The following PYHIN1 variants were observed in gnomAD, a reference collection of about 807,000 sequenced individuals.
PYHIN1 encodes pyrin and HIN domain-containing protein 1.
In PYHIN1, 32 loss-of-function variants were observed where a neutral mutation model predicts 43.7. The ratio of observed to expected loss-of-function variants is 0.73; its 90% CI spans 0.55 to 0.98. The LOEUF is 0.98. Ranked by LOEUF, PYHIN1 falls within the 50% of genes least tolerant of loss-of-function variation. The pLI is 0.00. For missense variants in PYHIN1, 588 were observed against 589.5 expected (o/e 1.00, Z 0.03); for synonymous variants, 205 against 203.1 (o/e 1.01, Z -0.08).
At chr1:158,975,664 G>A (rs527664956) in intron 8 of PYHIN1, among the ~76,000 whole-genome samples, 1 of 152,198 alleles carries the variant, frequency 6.6e-6, no homozygotes, top group African/African-American at 2.4e-5. Context: ...GAAAGACCAT[G>A]TTCCAGGGAA....
At chr1:158,988,723 C>G in the PYHIN1 span, among the ~76,000 whole-genome samples, 2 of 152,100 alleles carry the variant, frequency 1.3e-5, no homozygotes, top group African/African-American at 2.4e-5. Flanking sequence ...ACCCTAATTT[C>G]TTCTTACTGT....
chr1:158,987,393 A>AT, the PYHIN1 span, among the ~76,000 whole-genome samples: 3 of 152,060 alleles, frequency 2.0e-5, no homozygotes, highest in Non-Finnish European at 4.4e-5. Flanking sequence ...GTCTTTGCCT[A>AT]TTTTTTATTT....
chr1:158,950,319 A>G (rs552488716), intron 7 of PYHIN1, among the ~76,000 whole-genome samples: 1 of 152,370 alleles, frequency 6.6e-6, no homozygotes, highest in East Asian at 1.9e-4. Context: ...GGATTCATTC[A>G]GCCTCCTGAG....
rs1557826743 is a variant in PYHIN1 at position 158,942,196 on chromosome 1, A to G, written c.799A>G (p.Arg267Gly). ...CTTGAAGAGGAAATTCATTAAAAAG[A>G]GAATCATCATTATATCAAATTATTC... ...INLKRKFIKK[R>G]IIIISNYSKR... Residue 267 changes from arginine (R) to glycine (G), a missense_variant, in exon 5 of 9, where the codon AGA becomes GGA. Physicochemically the swap from Arg to Gly is moderately radical, Grantham distance 125 (BLOSUM62 -2). Transcript: ENST00000368140. The G allele has an allele frequency of 1.9e-6, 3 of 1,614,012 alleles. No individual in the cohort carries two copies. The highest frequency in any genetic ancestry group is 2.2e-5 in the South Asian group (2 of 91,070).
At position 158,938,410 on chromosome 1, in the gene PYHIN1, T is replaced by C. The variant is rs151006388; in HGVS notation, c.279T>C (p.Ile93=). 388 of 1,614,192 alleles carry C rather than the reference T, an allele frequency of 2.4e-4. No individual in the cohort carries two copies. The African/African-American group carries it at 4.7e-3, about 20-fold the overall frequency. The change falls in exon 3 of 9, where the codon ATT becomes ATC. Residue 93 remains isoleucine (I), a synonymous_variant. Coordinates refer to ENST00000368140, the MANE Select transcript of PYHIN1 (RefSeq NM_152501.5). ...KREKLKVANK[I]ESIPVKGIIP... is the part of the protein sequence containing the mutation. The stretch of plus-strand genomic sequence containing the variant: ...TTTCTGCATTAGTTGCAAATAAAAT[T>C]GAATCCATTCCAGTCAAAGGAATAA...
intron 7 of PYHIN1, among the ~76,000 whole-genome samples, chr1:158,973,042 AC>A (rs1377504122): frequency 6.6e-6 from 1 of 151,990 alleles, no homozygotes; most frequent in Non-Finnish European, 1.5e-5. Context: ...GTGCCACAGC[AC>A]CCTCTATCAG....
chr1:158,949,428 A>T lies in PYHIN1; in HGVS notation c.1359+4386A>T, dbSNP rs2793849. ...TTAAGTTTTAGGGTACATGGGCACAATGTGCAGGTTAGTTACATATGTATA... is the reference window on the plus strand; with the variant it reads ...TTAAGTTTTAGGGTACATGGGCACATTGTGCAGGTTAGTTACATATGTATA... On this transcript the variant is annotated intron_variant, in intron 7 of 8. Coordinates refer to ENST00000368140, the MANE Select transcript of PYHIN1 (RefSeq NM_152501.5). Among the ~76,000 whole-genome samples, 97 of 152,150 alleles carry T rather than the reference A, an allele frequency of 6.4e-4. 4 individuals carry two copies. The South Asian group carries it at 0.018, about 28-fold the overall frequency.
At chr1:158,973,544 C>G in intron 7 of PYHIN1, 103 bp from the exon 8 acceptor site, 4 of 1,159,310 alleles carry the variant, frequency 3.5e-6, no homozygotes, top group Non-Finnish European at 5.0e-6. Context: ...CACATATACA[C>G]ACATGTATTA....
chr1:158,951,536 C>T (rs1649530008), intron 7 of PYHIN1, among the ~76,000 whole-genome samples: 1 of 152,114 alleles, frequency 6.6e-6, no homozygotes, highest in South Asian at 2.1e-4. Flanking sequence ...GCTAGTAAAC[C>T]CAGATCGAGT....
At position 158,943,900 on chromosome 1, in the gene PYHIN1, G is replaced by T. The variant is rs2101662133; in HGVS notation, c.1113G>T (p.Lys371Asn). ...CHNIPCEKGD[K>N]LRLFCFRLRK... The stretch of plus-strand genomic sequence containing the variant: ...ATATCCCCTGTGAAAAAGGAGATAA[G>T]CTTCGACTCTTCTGCTTTCGACTGA... The change falls in exon 6 of 9, where the codon AAG (lysine) becomes AAT (asparagine). Residue 371 changes from lysine to asparagine, a missense_variant. Lys to Asn is a moderately conservative substitution (Grantham distance 94, BLOSUM62 0). Coordinates refer to ENST00000368140, the MANE Select transcript of PYHIN1 (RefSeq NM_152501.5). 2 of 1,609,308 alleles carry T rather than the reference G, an allele frequency of 1.2e-6. No homozygotes were observed. Among genetic ancestry groups the T allele is most frequent in the East Asian group, 4.5e-5 (2 of 44,834 alleles).
chr1:158,976,898 A>AC lies in PYHIN1; in HGVS notation c.*203_*204insC, dbSNP rs1651307857. Reference sequence around the variant, plus strand: ...TATATATATATATATATATATATATATATATATATATATATATACCAGCTA... The same window carrying AC: ...TATATATATATATATATATATATATACTATATATATATATATATACCAGCTA... On this transcript the variant is annotated 3_prime_UTR_variant, in exon 9 of 9. Coordinates refer to ENST00000368140, the MANE Select transcript of PYHIN1 (RefSeq NM_152501.5). 1.8e-5 allele frequency: 2 copies of AC among 113,692 alleles called. No individual in the cohort carries two copies. The highest frequency in any genetic ancestry group is 1.9e-5 in the Non-Finnish European group (1 of 52,988). The allele number at this position is 113,692 out of a possible 1,614,324, so 7.0% of individuals were successfully genotyped here. A position where few individuals can be genotyped will look rare whatever the true frequency, so the allele number is the denominator to read the frequency against.
intron 1 of PYHIN1, among the ~76,000 whole-genome samples, chr1:158,934,257 TG>T: frequency 6.6e-6 from 1 of 152,186 alleles, no homozygotes; most frequent in Non-Finnish European, 1.5e-5. Flanking sequence ...TGTGTTTAAG[TG>T]GAATAAATAA....
intron 7 of PYHIN1, among the ~76,000 whole-genome samples, chr1:158,955,081 G>A (rs1649833170): frequency 6.6e-6 from 1 of 151,816 alleles, no homozygotes; most frequent in Admixed American, 6.6e-5. Flanking sequence ...ACCCAATACA[G>A]GAGCACCCAG....
intron 2 of PYHIN1, among the ~76,000 whole-genome samples, chr1:158,937,924 G>A (rs572478527): frequency 5.2e-4 from 75 of 143,416 alleles, no homozygotes; most frequent in Admixed American, 1.7e-3. Flanking sequence ...CCGCCTGGGC[G>A]ACAGAGCGAG....
downstream of PYHIN1, among the ~76,000 whole-genome samples, chr1:158,979,106 T>C (rs771013023): frequency 6.6e-6 from 1 of 152,176 alleles, no homozygotes; most frequent in Non-Finnish European, 1.5e-5. Flanking sequence ...GTTAGCAACA[T>C]TATTTCTCTA....
the PYHIN1 span, among the ~76,000 whole-genome samples, chr1:158,988,626 G>C: frequency 2.0e-5 from 3 of 152,260 alleles, no homozygotes; most frequent in South Asian, 6.2e-4. Context: ...TGGCTGTATT[G>C]AGTTCTGTTG....
intron 8 of PYHIN1, 72 bp from the exon 9 acceptor site, chr1:158,976,629 G>C: frequency 8.8e-7 from 1 of 1,135,502 alleles, no homozygotes; most frequent in African/African-American, 1.6e-5. Context: ...AGGAGAGGCA[G>C]TGTGATTGAA....
chr1:158,945,146 C>T, intron 7 of PYHIN1, 104 bp downstream of exon 7: 1 of 1,176,606 alleles, frequency 8.5e-7, no homozygotes, highest in African/African-American at 1.5e-5. Flanking sequence ...TGTGTACAAT[C>T]TCTAGATAAA....
chr1:158,938,253 G>A, intron 2 of PYHIN1, 144 bp from the exon 3 acceptor site: 1 of 833,252 alleles, frequency 1.2e-6, no homozygotes, highest in South Asian at 1.7e-5. Context: ...CCTCCTGGAA[G>A]CCAGACTAGG....
Sources: gnomAD v4.1 joint callset for allele counts (sites outside exome capture counted in the v4.1 genomes callset) on GRCh38, gnomAD v4.1.1 for gene constraint, MANE v1.5 for transcripts, NCBI Gene and HGNC (gene_info 2026-07-23, HGNC 2026-07-21) for gene names.